Variants in STK4 observed in about 807,000 individuals in gnomAD.
STK4 encodes the protein serine/threonine-protein kinase 4.
A neutral mutation model predicts 64.9 loss-of-function variants in STK4; 30 were observed. The observed-to-expected ratio is 0.46, with a 90% CI of 0.35 to 0.63. The LOEUF (loss-of-function observed/expected upper bound fraction) is 0.63, where lower values mean the gene tolerates loss of function less well. Ranked by LOEUF, STK4 falls within the 20% of genes least tolerant of loss-of-function variation. The pLI is 0.01. For missense variants in STK4, 466 were observed against 598.5 expected (o/e 0.78, Z 2.31); for synonymous variants, 177 against 199.0 (o/e 0.89, Z 0.93).
intron 10 of STK4, chr20:45,053,272 T>C: frequency 9.4e-7 from 1 of 1,065,314 alleles, no homozygotes; most frequent in Non-Finnish European, 1.4e-6. Flanking sequence ...TTTAACTCAG[T>C]TATTGAAATG....
At chr20:45,065,954 A>T (rs1208927046) in intron 10 of STK4, among the ~76,000 whole-genome samples, 3 of 151,970 alleles carry the variant, frequency 2.0e-5, no homozygotes, top group Admixed American at 6.6e-5. Flanking sequence ...CCTCTAGTTT[A>T]TATGAGTAAC....
At chr20:44,974,785 T>C (rs2067310142) in intron 2 of STK4, 1 of 152,154 alleles carries the variant, frequency 6.6e-6, no homozygotes, top group Non-Finnish European at 1.5e-5. Context: ...ATTCTTAAAT[T>C]GTTCGGGAGG....
At chr20:45,032,413 A>T (rs1396273264) in intron 10 of STK4, among the ~76,000 whole-genome samples, 2 of 151,886 alleles carry the variant, frequency 1.3e-5, no homozygotes, top group Non-Finnish European at 2.9e-5. Context: ...TTCGATCCTC[A>T]CCCTCCTCCC....
intron 4 of STK4, 62 bp downstream of exon 4, chr20:44,982,005 C>G (rs540102388): frequency 3.4e-6 from 4 of 1,171,366 alleles, no homozygotes; most frequent in East Asian, 2.4e-5. Flanking sequence ...CTTTTCTCTG[C>G]CTCTTTTTCA....
chr20:45,026,318 A>AGTGTGTGTGTGT (rs113148879), intron 10 of STK4, among the ~76,000 whole-genome samples: 1,953 of 145,754 alleles, frequency 0.013, 20 homozygotes, highest in Middle Eastern at 0.032. Context: ...AGACAGAAAG[A>AGTGTGTGTGTGT]GTGTGTGTGT....
At chr20:44,987,901 C>G (rs2067558848) in intron 5 of STK4, among the ~76,000 whole-genome samples, 1 of 151,444 alleles carries the variant, frequency 6.6e-6, no homozygotes, top group Admixed American at 6.6e-5. Context: ...TATTACATAT[C>G]AAGTGGTTTT....
intron 5 of STK4, among the ~76,000 whole-genome samples, chr20:44,989,040 A>G (rs938578789): frequency 2.4e-4 from 36 of 152,116 alleles, no homozygotes; most frequent in African/African-American, 8.7e-4. Context: ...TTAGTTGAAT[A>G]TTTAGATTGT....
chr20:45,060,514 C>T (rs1978899576), intron 10 of STK4, among the ~76,000 whole-genome samples: 1 of 152,146 alleles, frequency 6.6e-6, no homozygotes, highest in Non-Finnish European at 1.5e-5. Flanking sequence ...ATTCCTATAG[C>T]ACATGTTGCC....
At chr20:45,015,710 C>T (rs1348914458) in intron 9 of STK4, among the ~76,000 whole-genome samples, 1 of 152,234 alleles carries the variant, frequency 6.6e-6, no homozygotes, top group African/African-American at 2.4e-5. Flanking sequence ...CAGGGTCTTA[C>T]AGACTACGTC....
intron 10 of STK4, among the ~76,000 whole-genome samples, chr20:45,070,587 G>A (rs6130746): frequency 0.17 from 26,208 of 152,086 alleles, 2,436 homozygotes; most frequent in East Asian, 0.22. Flanking sequence ...TGCTTTGGAT[G>A]TGTTAAGCTG....
chr20:44,971,729 GGC>G (rs1246860414), intron 1 of STK4, among the ~76,000 whole-genome samples: 1 of 142,386 alleles, frequency 7.0e-6, no homozygotes, highest in Admixed American at 7.4e-5. Flanking sequence ...TGAGCGTAGT[GGC>G]GCAATTTCGG....
Position 45,024,977 on chromosome 20 carries a change from G to T in STK4, c.1152G>T (p.Arg384Ser), listed in dbSNP as rs1189817024. ...TTCATTTTTCTTTGTTTTCAGGAAG[G>T]GATGAGACCATGCAGCCTGCGAAAC... is the stretch of plus-strand genomic sequence containing the variant. ...DEEEEGTMKR[R>S]DETMQPAKPS... is the part of the protein sequence containing the mutation. Residue 384 changes from arginine to serine, a missense_variant, in exon 10 of 11, where the codon AGG becomes AGT. Around this residue, in one of 2 missense-constraint regions of STK4, gnomAD observed 276 missense variants for 308.9 expected, o/e 0.89. Transcript: ENST00000372806. 6.3e-7 allele frequency: 1 copy of T among 1,598,546 alleles called. No individual in the cohort carries two copies. The highest frequency in any genetic ancestry group is 8.5e-7 in the Non-Finnish European group (1 of 1,173,538).
intron 10 of STK4, among the ~76,000 whole-genome samples, chr20:45,073,220 A>G (rs955099249): frequency 3.3e-5 from 5 of 152,166 alleles, no homozygotes; most frequent in African/African-American, 9.7e-5. Flanking sequence ...AAGAACACCA[A>G]CCTCTAAGGT....
intron 10 of STK4, among the ~76,000 whole-genome samples, chr20:45,059,031 T>C (rs774450312): frequency 5.9e-5 from 9 of 152,306 alleles, no homozygotes; most frequent in Non-Finnish European, 1.3e-4. Context: ...AATGGGGGAA[T>C]ATGTTCCAAG....
intron 10 of STK4, among the ~76,000 whole-genome samples, chr20:45,040,375 T>C (rs1430013536): frequency 1.3e-5 from 2 of 152,132 alleles, no homozygotes; most frequent in African/African-American, 4.8e-5. Flanking sequence ...TCTCCAAAGA[T>C]ATAACCAGGG....
At chr20:44,996,449 A>C (rs1183802393) in intron 6 of STK4, among the ~76,000 whole-genome samples, 1 of 152,162 alleles carries the variant, frequency 6.6e-6, no homozygotes, top group Non-Finnish European at 1.5e-5. Context: ...ACACAAATTC[A>C]TGTTCCCAAG....
intron 10 of STK4, among the ~76,000 whole-genome samples, chr20:45,063,697 G>A (rs1200259829): frequency 6.6e-6 from 1 of 152,058 alleles, no homozygotes; most frequent in Non-Finnish European, 1.5e-5. Flanking sequence ...TATTTCCTAG[G>A]TTATCTTCCA....
intron 3 of STK4, among the ~76,000 whole-genome samples, chr20:44,979,373 G>A (rs1601189883): frequency 6.6e-6 from 1 of 152,036 alleles, no homozygotes; most frequent in African/African-American, 2.4e-5. Flanking sequence ...GAGTACCTAC[G>A]TATTTATTTT....
At chr20:44,993,797 G>C (rs1414770838) in intron 5 of STK4, among the ~76,000 whole-genome samples, 1 of 152,166 alleles carries the variant, frequency 6.6e-6, no homozygotes, top group African/African-American at 2.4e-5. Context: ...TGGCCAATGT[G>C]GCGAGACCTT....
Sources: allele counts gnomAD v4.1 joint callset (sites outside exome capture counted in the v4.1 genomes callset), GRCh38; gene constraint gnomAD v4.1.1; regional missense constraint gnomAD v4.1.1; transcripts MANE v1.5; gene names NCBI Gene and HGNC (gene_info 2026-07-23, HGNC 2026-07-21).